FTCDNL1: variants seen among roughly 807,000 people sequenced by gnomAD.
FTCDNL1 encodes the protein formiminotransferase cyclodeaminase N-terminal like, also known as formiminotransferase N-terminal subdomain-containing protein.
A neutral mutation model predicts 5.9 loss-of-function variants in FTCDNL1; 11 were observed. That is an observed-to-expected ratio of 1.87 (90% confidence interval 1.18 to 3.10). The LOEUF (loss-of-function observed/expected upper bound fraction) is 3.10, where lower values mean the gene tolerates loss of function less well. Among genes scored for constraint, FTCDNL1 ranks in the 30% most tolerant of loss-of-function variants. The probability of loss-of-function intolerance (pLI) is 0.00; values close to 1 mark genes in which losing one functional copy is unlikely to be tolerated. For synonymous variants in FTCDNL1, 58 were observed against 24.8 expected, an observed-to-expected ratio of 2.34 and a Z score of -3.99; for missense variants, 115 against 65.5, an observed-to-expected ratio of 1.76 and a Z score of -2.61.
At chr2:199,731,457 T>C in the FTCDNL1 span, among the ~76,000 whole-genome samples, 2 of 152,174 alleles carry the variant, frequency 1.3e-5, no homozygotes, top group Non-Finnish European at 2.9e-5. Context: ...AAATTGAAGT[T>C]AGGAACAATG....
chr2:199,846,640 T>G (rs1027860568), intron 2 of FTCDNL1, among the ~76,000 whole-genome samples: 1 of 152,198 alleles, frequency 6.6e-6, no homozygotes. Flanking sequence ...GCAGAGGTTT[T>G]TGAGACGCAT....
chr2:199,689,734 C>G, the FTCDNL1 span, among the ~76,000 whole-genome samples: 1 of 150,458 alleles, frequency 6.6e-6, no homozygotes, highest in Non-Finnish European at 1.5e-5. Context: ...TCGCTTAAAC[C>G]CAGGAGGCAG....
the FTCDNL1 span, among the ~76,000 whole-genome samples, chr2:199,716,599 AC>A: frequency 6.6e-6 from 1 of 152,016 alleles, no homozygotes. Flanking sequence ...CCACTCCCCC[AC>A]AAAACAATGG....
intron 2 of FTCDNL1, among the ~76,000 whole-genome samples, chr2:199,847,834 A>G (rs2076771348): frequency 6.6e-6 from 1 of 152,230 alleles, no homozygotes; most frequent in Non-Finnish European, 1.5e-5. Context: ...AAAAGCATGC[A>G]AAATCACAGC....
At chr2:199,707,497 T>C in the FTCDNL1 span, among the ~76,000 whole-genome samples, 2 of 152,126 alleles carry the variant, frequency 1.3e-5, no homozygotes, top group African/African-American at 4.8e-5. Flanking sequence ...TTCTTTTTAA[T>C]GAATGTTGGT....
chr2:199,828,229 T>C (rs908861713), intron 3 of FTCDNL1, among the ~76,000 whole-genome samples: 4 of 152,224 alleles, frequency 2.6e-5, no homozygotes, highest in East Asian at 1.9e-4. Flanking sequence ...ATATGAATTG[T>C]ATATTCAAAA....
At chr2:199,834,752 A>G (rs1702603805) in intron 3 of FTCDNL1, among the ~76,000 whole-genome samples, 1 of 152,012 alleles carries the variant, frequency 6.6e-6, no homozygotes, top group Non-Finnish European at 1.5e-5. Context: ...TCTTAAACCT[A>G]CCCCAATACT....
the FTCDNL1 span, among the ~76,000 whole-genome samples, chr2:199,674,332 C>T: frequency 3.9e-5 from 6 of 152,002 alleles, no homozygotes; most frequent in Admixed American, 1.3e-4. Context: ...ATGAATGAGC[C>T]ATGTAGGTCA....
chr2:199,790,442 G>A lies in FTCDNL1; in HGVS notation c.212-29607C>T, dbSNP rs185031256. ...GAACCTGGGAGGCGGAGGTTGCAGT[G>A]AGCCAAGATCGTGCCACTGCACTCC... On this transcript the variant is annotated intron_variant, in intron 3 of 3. Coordinates refer to the FTCDNL1 transcript ENST00000416668. Among the ~76,000 whole-genome samples the A allele has an allele frequency of 4.5e-3, 671 of 150,406 alleles. 5 individuals are homozygous for A. The highest frequency in any genetic ancestry group is 0.016 in the African/African-American group (636 of 40,926).
At chr2:199,666,175 T>C in the FTCDNL1 span, among the ~76,000 whole-genome samples, 1 of 152,220 alleles carries the variant, frequency 6.6e-6, no homozygotes, top group African/African-American at 2.4e-5. Context: ...AGACAGTGTT[T>C]GCATATAACA....
chr2:199,688,462 A>T, the FTCDNL1 span, among the ~76,000 whole-genome samples: 1 of 151,982 alleles, frequency 6.6e-6, no homozygotes, highest in East Asian at 1.9e-4. Context: ...GTTGTTTTTA[A>T]ACAACTCCCC....
At chr2:199,754,439 C>A in the FTCDNL1 span, among the ~76,000 whole-genome samples, 1 of 152,008 alleles carries the variant, frequency 6.6e-6, no homozygotes, top group South Asian at 2.1e-4. Flanking sequence ...GGCTGGTGGC[C>A]CTGCAGATGG....
chr2:199,673,443 T>C, the FTCDNL1 span, among the ~76,000 whole-genome samples: 1 of 151,924 alleles, frequency 6.6e-6, no homozygotes, highest in South Asian at 2.1e-4. Flanking sequence ...CTTCTCAATA[T>C]AATTTCTACT....
chr2:199,719,888 C>A, the FTCDNL1 span, among the ~76,000 whole-genome samples: 1 of 152,154 alleles, frequency 6.6e-6, no homozygotes, highest in Non-Finnish European at 1.5e-5. Flanking sequence ...TCTTCCAATC[C>A]ATGAGCATGA....
chr2:199,781,683 T>G lies in FTCDNL1; in HGVS notation c.212-20848A>C, dbSNP rs142432069. Among the ~76,000 whole-genome samples the G allele has an allele frequency of 3.9e-3, 601 of 152,340 alleles. 4 individuals carry two copies. Among genetic ancestry groups the G allele is most frequent in the Non-Finnish European group, 5.2e-3 (353 of 68,030 alleles). On this transcript the variant is annotated intron_variant, in intron 3 of 3. Coordinates refer to the FTCDNL1 transcript ENST00000416668. ...AGCATGTGAGCTATGTCTGATTCTC[T>G]TTCCTGTGGAAGGAGATAGAATAGA...
chr2:199,768,818 T>C (rs1386246557), intron 3 of FTCDNL1, among the ~76,000 whole-genome samples: 1 of 152,130 alleles, frequency 6.6e-6, no homozygotes, highest in Non-Finnish European at 1.5e-5. Flanking sequence ...CTTTAACACG[T>C]ACTTGGCTGC....
At chr2:199,674,739 T>G in the FTCDNL1 span, among the ~76,000 whole-genome samples, 2 of 152,200 alleles carry the variant, frequency 1.3e-5, no homozygotes, top group East Asian at 3.9e-4. Flanking sequence ...CAAATTTATT[T>G]ACAAAGACAT....
intron 3 of FTCDNL1, among the ~76,000 whole-genome samples, chr2:199,763,335 C>T (rs1232711402): frequency 2.6e-5 from 4 of 152,152 alleles, no homozygotes; most frequent in Non-Finnish European, 5.9e-5. Flanking sequence ...CCAAGTTTTG[C>T]AGAGCCTTTT....
chr2:199,749,468 T>C, the FTCDNL1 span, among the ~76,000 whole-genome samples: 2 of 152,126 alleles, frequency 1.3e-5, no homozygotes, highest in Non-Finnish European at 2.9e-5. Flanking sequence ...GAACTCACTG[T>C]TTTGATCATC....
Sources: gnomAD v4.1 joint callset for allele counts (sites outside exome capture counted in the v4.1 genomes callset) on GRCh38, gnomAD v4.1.1 for gene constraint, MANE v1.5 for transcripts, NCBI Gene and HGNC (gene_info 2026-07-23, HGNC 2026-07-21) for gene names.